The following NEO1 variants were observed in gnomAD, a reference collection of about 807,000 sequenced individuals.
NEO1 encodes neogenin.
Under a neutral mutation model 159.7 loss-of-function variants are expected in NEO1, and 63 were observed. The ratio of observed to expected loss-of-function variants is 0.39; its 90% CI spans 0.32 to 0.49. The LOEUF is 0.49. Among genes scored for constraint, NEO1 ranks in the 20% least tolerant of loss-of-function variants. NEO1 has a pLI of 0.85. For missense variants in NEO1, 1,615 were observed against 1,831.0 expected (o/e 0.88, Z 2.15); for synonymous variants, 633 against 662.0 (o/e 0.96, Z 0.67).
intron 5 of NEO1, among the ~76,000 whole-genome samples, chr15:73,165,265 G>T (rs2034492743): frequency 6.6e-6 from 1 of 152,150 alleles, no homozygotes; most frequent in East Asian, 1.9e-4. Context: ...TCTCTCTAAG[G>T]AGGGTACTGG....
chr15:73,064,760 C>G (rs2068132005), intron 1 of NEO1, among the ~76,000 whole-genome samples: 1 of 152,216 alleles, frequency 6.6e-6, no homozygotes, highest in Admixed American at 6.5e-5. Flanking sequence ...AGCCACTACA[C>G]TTGGCCCTGT....
intron 7 of NEO1, 125 bp from the exon 8 acceptor site, chr15:73,236,222 C>A (rs1289185866): frequency 1.6e-6 from 2 of 1,265,768 alleles, no homozygotes; most frequent in African/African-American, 1.5e-5. Context: ...TTTGTTTTTT[C>A]TGTTCTCTTT....
At position 73,258,815 on chromosome 15, in the gene NEO1, C is replaced by G. The variant is rs373237711; in HGVS notation, c.2142C>G (p.Ile714Met). The G allele has an allele frequency of 2.5e-6, 4 of 1,613,940 alleles. No individual in the cohort carries two copies. The South Asian group carries it at 3.3e-5, about 13-fold the overall frequency. ...ATTTCCGAGTGGCTGCTCTAACAATCAATGGTACAGGCCCGGCAACTGACT... is the reference window on the plus strand; with the variant it reads ...ATTTCCGAGTGGCTGCTCTAACAATGAATGGTACAGGCCCGGCAACTGACT... ...EYNFRVAALT[I>M]NGTGPATDWL... The change falls in exon 14 of 29, where the codon ATC becomes ATG. Residue 714 changes from isoleucine to methionine, a missense_variant. Around this residue, in one of 3 missense-constraint regions of NEO1, gnomAD observed 1,018 missense variants for 1,115.4 expected, o/e 0.91. Coordinates refer to ENST00000261908, the MANE Select transcript of NEO1 (RefSeq NM_002499.4).
At chr15:73,120,137 T>TA (rs577070083) in intron 2 of NEO1, among the ~76,000 whole-genome samples, 3 of 151,576 alleles carry the variant, frequency 2.0e-5, no homozygotes, top group Admixed American at 1.3e-4. Context: ...CTCTGTCTCA[T>TA]AAAAAAAATT....
At position 73,189,336 on chromosome 15, in the gene NEO1, C is replaced by T. The variant is rs772600377; in HGVS notation, c.1291+10909C>T. ...ATGAAAACTAGGCTGCCTGTATAGT[C>T]GGGTTTTGCATCCTGCAAATACCGT... On this transcript the variant is annotated intron_variant, in intron 7 of 28. Transcript: ENST00000261908. 7.9e-5 allele frequency among the ~76,000 whole-genome samples: 12 copies of T among 152,218 alleles called. No individual in the cohort carries two copies. In the South Asian group the frequency reaches 1.5e-3, roughly 18 times the overall value.
Position 73,302,637 on chromosome 15 carries a change from A to G in NEO1, c.4327A>G (p.Lys1443Glu), listed in dbSNP as rs763095626. The G allele has an allele frequency of 5.0e-6, 8 of 1,614,006 alleles. No homozygotes were observed. In the Admixed American group the frequency reaches 5.0e-5, roughly 10 times the overall value. The part of the protein sequence containing the change: ...ESSYEPDELT[K>E]EMAHLEGLMK... Reference sequence around the variant, plus strand: ...GAGCTATGAACCAGATGAGCTGACCAAAGAGATGGCCCACCTGGAAGGACT... The same window carrying G: ...GAGCTATGAACCAGATGAGCTGACCGAAGAGATGGCCCACCTGGAAGGACT... Residue 1443 changes from lysine to glutamate, a missense_variant, in exon 29 of 29, where the codon AAA becomes GAA. Coordinates refer to ENST00000261908, the MANE Select transcript of NEO1 (RefSeq NM_002499.4).
chr15:73,103,995 C>T (rs920422866), intron 1 of NEO1, among the ~76,000 whole-genome samples: 57 of 152,220 alleles, frequency 3.7e-4, no homozygotes, highest in Non-Finnish European at 6.9e-4. Flanking sequence ...GCTGGGACTA[C>T]AGGCACATGC....
intron 2 of NEO1, among the ~76,000 whole-genome samples, chr15:73,120,957 T>C (rs1334349180): frequency 6.6e-6 from 1 of 152,188 alleles, no homozygotes; most frequent in Non-Finnish European, 1.5e-5. Context: ...GTATCTGCCT[T>C]AACCCCCCAA....
upstream of NEO1, among the ~76,000 whole-genome samples, chr15:73,052,268 C>A (rs2067471458): frequency 7.0e-6 from 1 of 143,432 alleles, no homozygotes; most frequent in Non-Finnish European, 1.5e-5. Context: ...GAGGCGCGCG[C>A]GTGCGCGTGT....
intron 14 of NEO1, among the ~76,000 whole-genome samples, chr15:73,259,492 G>T (rs2040522492): frequency 6.6e-6 from 1 of 150,796 alleles, no homozygotes; most frequent in African/African-American, 2.4e-5. Context: ...CTCCTGAGCA[G>T]CTGGGACCAC....
In NEO1 at chr15:73,301,232, C is replaced by T. The variant is rs1014170084; in HGVS notation, c.4166-89C>T. 3.2e-6 allele frequency: 5 copies of T among 1,546,654 alleles called. No individual in the cohort carries two copies. The African/African-American group carries it at 4.1e-5, about 13-fold the overall frequency. The stretch of plus-strand genomic sequence containing the variant: ...GCACTGGGTCTGTATGTCTCTCTCA[C>T]CCCGAAGCAGCACTTGGACCTTAGG... On this transcript the variant is annotated intron_variant, in intron 27 of 28. Transcript: ENST00000261908.
chr15:73,213,906 G>C (rs182720213), intron 7 of NEO1, among the ~76,000 whole-genome samples: 68 of 152,230 alleles, frequency 4.5e-4, no homozygotes, highest in Non-Finnish European at 8.5e-4. Flanking sequence ...AGTGTTCCCT[G>C]TTCACCGCAT....
intron 7 of NEO1, among the ~76,000 whole-genome samples, chr15:73,192,536 C>G (rs983303989): frequency 2.0e-5 from 3 of 151,820 alleles, no homozygotes; most frequent in African/African-American, 7.2e-5. Context: ...ATTTATCTTA[C>G]AGATATAGTT....
At chr15:73,238,703 A>G (rs2039329881) in intron 8 of NEO1, among the ~76,000 whole-genome samples, 1 of 152,100 alleles carries the variant, frequency 6.6e-6, no homozygotes. Context: ...CAAATTATAA[A>G]TAAAAGATAT....
intron 5 of NEO1, among the ~76,000 whole-genome samples, chr15:73,157,866 G>C (rs2033891702): frequency 6.6e-6 from 1 of 151,668 alleles, no homozygotes; most frequent in South Asian, 2.1e-4. Flanking sequence ...TACTAATACT[G>C]TTTCCCTTGT....
At position 73,239,741 on chromosome 15, in the gene NEO1, G is replaced by A. The variant is rs566857209; in HGVS notation, c.1451+3235G>A. On this transcript the variant is annotated intron_variant, in intron 8 of 28. Transcript: ENST00000261908. Reference sequence around the variant, plus strand: ...ATCGAGGTTTGCATAAGTGCATTCTGTGATGTTCACACGATGAAATCACGT... The same window carrying A: ...ATCGAGGTTTGCATAAGTGCATTCTATGATGTTCACACGATGAAATCACGT... Among the ~76,000 whole-genome samples, 202 of 152,292 alleles carry A rather than the reference G, an allele frequency of 1.3e-3. 1 individual carries two copies. The highest frequency in any genetic ancestry group is 4.6e-3 in the African/African-American group (190 of 41,558).
intron 19 of NEO1, 77 bp downstream of exon 19, chr15:73,272,639 GC>G: frequency 9.5e-7 from 1 of 1,054,612 alleles, no homozygotes; most frequent in Non-Finnish European, 1.4e-6. Flanking sequence ...GTACCATGTT[GC>G]TGGGAGAAGT....
intron 7 of NEO1, among the ~76,000 whole-genome samples, chr15:73,226,230 TCTTG>T (rs1392683168): frequency 1.3e-5 from 2 of 152,166 alleles, no homozygotes; most frequent in African/African-American, 4.8e-5. Context: ...TCTGGTTTGT[TCTTG>T]CAGTCAATCT....
intron 16 of NEO1, among the ~76,000 whole-genome samples, chr15:73,268,853 T>C (rs1478274517): frequency 6.6e-6 from 1 of 152,210 alleles, no homozygotes; most frequent in Non-Finnish European, 1.5e-5. Flanking sequence ...TCCATGAGTA[T>C]AGACTTTCCA....
Sources: allele counts gnomAD v4.1 joint callset (sites outside exome capture counted in the v4.1 genomes callset), GRCh38; gene constraint gnomAD v4.1.1; regional missense constraint gnomAD v4.1.1; transcripts MANE v1.5; gene names NCBI Gene and HGNC (gene_info 2026-07-23, HGNC 2026-07-21).